CEP104: variants seen among roughly 807,000 people sequenced by gnomAD.
CEP104 encodes centrosomal protein 104.
A neutral mutation model predicts 113.3 loss-of-function variants in CEP104; 84 were observed. The observed-to-expected ratio is 0.74, with a 90% CI of 0.62 to 0.89. The LOEUF (loss-of-function observed/expected upper bound fraction) is 0.89. Among genes scored for constraint, CEP104 ranks in the 40% least tolerant of loss-of-function variants. The pLI, the probability that CEP104 is intolerant of heterozygous loss-of-function variation, is 0.00. For synonymous variants in CEP104, 378 were observed against 421.7 expected, an observed-to-expected ratio of 0.90 and a Z score of 1.27; for missense variants, 1,053 against 1,156.6, an observed-to-expected ratio of 0.91 and a Z score of 1.30.
rs1644336897 is a variant in CEP104, at chr1:3,837,463, G to A, written c.948C>T (p.Cys316=). 1 of 1,614,218 alleles carries A rather than the reference G, an allele frequency of 6.2e-7. No individual in the cohort carries two copies. The highest frequency in any genetic ancestry group is 1.1e-5 in the South Asian group (1 of 91,086). The change falls in exon 9 of 22, where the codon TGC becomes TGT. Residue 316 remains cysteine (C), a synonymous_variant. Coordinates refer to ENST00000378230, the MANE Select transcript of CEP104 (RefSeq NM_014704.4). ...GTAGTGAGGGCATTGGCTTTTGGTG[G>A]CAAGGACTGCCAGAACGAGCGAGGG... ...LQPLARSGSP[C]HQKPMPSLPQ...
intron 12 of CEP104, 54 bp from the exon 13 acceptor site, chr1:3,831,276 T>G (rs1445639344): frequency 6.6e-7 from 1 of 1,511,092 alleles, no homozygotes; most frequent in Non-Finnish European, 9.1e-7. Context: ...TGGAGGCAGT[T>G]TAGTACAATT....
chr1:3,827,870 A>G (rs1250803299), intron 15 of CEP104, among the ~76,000 whole-genome samples: 2 of 152,158 alleles, frequency 1.3e-5, no homozygotes, highest in South Asian at 4.1e-4. Flanking sequence ...CAGCTCCATG[A>G]GGGTGGGACT....
At chr1:3,842,214 G>T (rs917956350) in intron 6 of CEP104, among the ~76,000 whole-genome samples, 1 of 152,188 alleles carries the variant, frequency 6.6e-6, no homozygotes, top group Admixed American at 6.5e-5. Flanking sequence ...TGAGTAGCTG[G>T]GACTACAGGT....
chr1:3,835,042 A>T lies in CEP104; in HGVS notation c.1368T>A (p.Leu456=). The stretch of plus-strand genomic sequence containing the variant: ...TTTCCATTAACTTCTTAGACAAGGC[A>T]AGCAGTGCATCCTCTCGGTAGGACC... The part of the protein sequence containing the change: ...KTWSYREDAL[L]ALSKKLMEMP... Residue 456 remains leucine (L), a synonymous_variant, in exon 11 of 22, where the codon CTT becomes CTA. Transcript: ENST00000378230. The T allele has an allele frequency of 1.9e-6, 3 of 1,614,082 alleles. No homozygotes were observed. Among genetic ancestry groups the T allele is most frequent in the Non-Finnish European group, 1.7e-6 (2 of 1,179,996 alleles).
chr1:3,826,224 G>T, intron 17 of CEP104, 146 bp downstream of exon 17: 1 of 677,088 alleles, frequency 1.5e-6, no homozygotes. Context: ...ACTCGGAGTG[G>T]ATGCTGGTTA....
At chr1:3,817,818 C>T (rs1269150904) in intron 20 of CEP104, among the ~76,000 whole-genome samples, 1 of 152,238 alleles carries the variant, frequency 6.6e-6, no homozygotes, top group Non-Finnish European at 1.5e-5. Flanking sequence ...GCAGGGCAGG[C>T]TGAAATGAAC....
chr1:3,836,115 C>T (rs948837906), intron 10 of CEP104, among the ~76,000 whole-genome samples: 3 of 151,820 alleles, frequency 2.0e-5, no homozygotes, highest in Admixed American at 6.6e-5. Flanking sequence ...TCCTGGCTAA[C>T]GTGGTGAAAC....
In CEP104 at chr1:3,812,671, C is replaced by T. The variant is rs1419326649; in HGVS notation, c.*2731G>A. 6.6e-6 allele frequency: 1 copy of T among 152,140 alleles called. No homozygotes were observed. Among genetic ancestry groups the T allele is most frequent in the Non-Finnish European group, 1.5e-5 (1 of 68,046 alleles). 9.4% of individuals were successfully genotyped at this position (152,140 alleles called of 1,614,324 possible). The stretch of plus-strand genomic sequence containing the variant: ...TGGCCAATATGGTGAAACCCCGTCT[C>T]TACTAAAAATACAAAAAAATTAGCC... On this transcript the variant is annotated 3_prime_UTR_variant, in exon 22 of 22. Transcript: ENST00000378230.
chr1:3,816,368 T>C lies in CEP104; in HGVS notation c.2574A>G (p.Ala858=). Residue 858 remains alanine (A), a splice_region_variant and synonymous_variant, in exon 21 of 22, where the codon GCA becomes GCG. Transcript: ENST00000378230. ...CHENFSPGEE[A]WKAHLMGPAG... Reference sequence around the variant, plus strand: ...CTGGGCCCATCAGGTGAGCTTTCCATGCCTGCAGCAGAGGAGGCACACAGA... The same window carrying C: ...CTGGGCCCATCAGGTGAGCTTTCCACGCCTGCAGCAGAGGAGGCACACAGA... 1 of 1,550,996 alleles carries C rather than the reference T, an allele frequency of 6.4e-7. No homozygotes were observed. Among genetic ancestry groups the C allele is most frequent in the Non-Finnish European group, 8.7e-7 (1 of 1,147,002 alleles).
intron 2 of CEP104, 60 bp from the exon 3 acceptor site, chr1:3,848,841 T>C: frequency 7.2e-7 from 1 of 1,398,280 alleles, no homozygotes; most frequent in Non-Finnish European, 9.9e-7. Context: ...TTCTAGATGC[T>C]AGCATCTCAT....
At chr1:3,838,635 A>AG (rs1173697876) in intron 8 of CEP104, among the ~76,000 whole-genome samples, 3 of 152,186 alleles carry the variant, frequency 2.0e-5, no homozygotes, top group Non-Finnish European at 4.4e-5. Context: ...TACAACACTG[A>AG]GGGGTCAGTG....
rs963680304 is a variant in CEP104, at chr1:3,826,393, G to C, written c.2232C>G (p.Ile744Met). 5 of 1,613,938 alleles carry C rather than the reference G, an allele frequency of 3.1e-6. No homozygotes were observed. In the African/African-American group the frequency reaches 6.7e-5, roughly 22 times the overall value. Reference sequence around the variant, plus strand: ...ACTTATCTAGATAGTGCTCATCCGGGATTCCCAGAGCTTCAGCAGGGGCTG... The same window carrying C: ...ACTTATCTAGATAGTGCTCATCCGGCATTCCCAGAGCTTCAGCAGGGGCTG... ...GKAAPAEALG[I>M]PDEHYLDNLC... is the part of the protein sequence containing the mutation. Residue 744 changes from isoleucine to methionine, a missense_variant, in exon 17 of 22, where the codon ATC (isoleucine) becomes ATG (methionine). Transcript: ENST00000378230.
At chr1:3,836,076 T>G (rs1570808792) in intron 10 of CEP104, among the ~76,000 whole-genome samples, 1 of 148,800 alleles carries the variant, frequency 6.7e-6, no homozygotes, top group South Asian at 2.1e-4. Context: ...CCAAGGTGAG[T>G]GGATCACAAG....
At chr1:3,822,095 G>A (rs755505560) in intron 20 of CEP104, among the ~76,000 whole-genome samples, 3 of 152,214 alleles carry the variant, frequency 2.0e-5, no homozygotes, top group Non-Finnish European at 2.9e-5. Flanking sequence ...AGCACGTGGG[G>A]GCACGGGAGA....
rs1354119825 is a variant in CEP104 at position 3,852,366 on chromosome 1, T to C, written c.42A>G (p.Gly14=). The change falls in exon 2 of 22, where the codon GGA becomes GGG. Residue 14 remains glycine (G), a synonymous_variant. Transcript: ENST00000378230. ...CCCGGGCACTGAAGCCGTCTTCGTG[T>C]CCAGATGAGCTGACGACTACAAATC... ...KIGFVVVSSS[G]HEDGFSAREL... is the part of the protein sequence containing the mutation. 6.2e-7 allele frequency: 1 copy of C among 1,614,052 alleles called. No homozygotes were observed. The highest frequency in any genetic ancestry group is 8.5e-7 in the Non-Finnish European group (1 of 1,180,046).
At chr1:3,846,740 C>G (rs917448180) in intron 4 of CEP104, among the ~76,000 whole-genome samples, 1 of 152,168 alleles carries the variant, frequency 6.6e-6, no homozygotes, top group Non-Finnish European at 1.5e-5. Flanking sequence ...CCAGCTCACC[C>G]GCTTGGTCTA....
chr1:3,838,853 CAG>C (rs1379978665), intron 8 of CEP104, 109 bp downstream of exon 8: 1 of 1,173,522 alleles, frequency 8.5e-7, no homozygotes, highest in Non-Finnish European at 1.2e-6. Flanking sequence ...CTGAGCACTG[CAG>C]AGTGTTTTAC....
chr1:3,843,934 G>A (rs1361068941), intron 6 of CEP104, among the ~76,000 whole-genome samples: 1 of 151,948 alleles, frequency 6.6e-6, no homozygotes, highest in Non-Finnish European at 1.5e-5. Flanking sequence ...GCTAATTTTT[G>A]TATTTTGAGT....
At position 3,829,803 on chromosome 1, in the gene CEP104, A is replaced by G; in HGVS notation, c.2031T>C (p.Asp677=). 2 of 1,614,142 alleles carry G rather than the reference A, an allele frequency of 1.2e-6. No homozygotes were observed. Among genetic ancestry groups the G allele is most frequent in the Non-Finnish European group, 8.5e-7 (1 of 1,179,992 alleles). Residue 677 remains aspartate (D), a synonymous_variant, in exon 14 of 22, where the codon GAT becomes GAC. Transcript: ENST00000378230. ...AAAGTTAACTCACCCTCATCTCAGCATCTGTAGCTCTGCCATCTATTTTAG... is the reference window on the plus strand; with the variant it reads ...AAAGTTAACTCACCCTCATCTCAGCGTCTGTAGCTCTGCCATCTATTTTAG... The part of the protein sequence containing the change: ...GFAKIDGRAT[D]AEMRARRKAA...
Sources: allele counts gnomAD v4.1 joint callset (sites outside exome capture counted in the v4.1 genomes callset), GRCh38; gene constraint gnomAD v4.1.1; transcripts MANE v1.5; gene names NCBI Gene and HGNC (gene_info 2026-07-23, HGNC 2026-07-21).